Variants in FLAD1 observed in about 807,000 individuals in gnomAD.
FLAD1 encodes the protein flavin adenine dinucleotide synthetase 1, also known as bifunctional FAD diphosphatase/FAD synthase.
A neutral mutation model predicts 55.0 loss-of-function variants in FLAD1; 35 were observed. The observed-to-expected ratio is 0.64, with a 90% CI of 0.49 to 0.84. FLAD1 has a LOEUF of 0.84. Among genes scored for constraint, FLAD1 ranks in the 40% least tolerant of loss-of-function variants. The pLI is 0.00. For synonymous variants in FLAD1, 267 were observed against 303.0 expected (o/e 0.88, Z 1.23); for missense variants, 665 against 742.6 (o/e 0.90, Z 1.21).
chr1:154,986,704 C>CCTCTT (rs1657626991), intron 1 of FLAD1, among the ~76,000 whole-genome samples: 2 of 91,696 alleles, frequency 2.2e-5, no homozygotes, highest in African/African-American at 9.9e-5. Flanking sequence ...GCCCCCCACC[C>CCTCTT]TTTTTTTTTT....
chr1:154,988,267 A>G lies in FLAD1; in HGVS notation c.535A>G (p.Ile179Val), dbSNP rs753608799. Residue 179 changes from isoleucine (I) to valine (V), a missense_variant, in exon 2 of 7, where the codon ATC (isoleucine) becomes GTC (valine). By Grantham distance (29) the Ile-to-Val change is conservative. Transcript: ENST00000292180. ...RFTHVLTAGG[I>V]GPTHDDVTFE... ...CACCCATGTCCTCACAGCAGGGGGC[A>G]TCGGCCCCACTCATGATGATGTGAC... The G allele has an allele frequency of 2.5e-6, 4 of 1,614,234 alleles. No homozygotes were observed. Among genetic ancestry groups the G allele is most frequent in the Non-Finnish European group, 3.4e-6 (4 of 1,180,040 alleles).
rs770329270 is a variant in FLAD1 at position 154,988,125 on chromosome 1, C to T, written c.393C>T (p.Asn131=). Residue 131 remains asparagine, a synonymous_variant, in exon 2 of 7, where the codon AAC becomes AAT. Transcript: ENST00000292180. Reference sequence around the variant, plus strand: ...CCCAGGGACACACTCAGGACACCAACACCTTCTTTCTGTGCCGGACACTGC... The same window carrying T: ...CCCAGGGACACACTCAGGACACCAATACCTTCTTTCTGTGCCGGACACTGC... The part of the protein sequence containing the change: ...EILKGHTQDT[N]TFFLCRTLRS... 21 of 1,614,128 alleles carry T rather than the reference C, an allele frequency of 1.3e-5. No individual in the cohort carries two copies. Among genetic ancestry groups the T allele is most frequent in the South Asian group, 4.4e-5 (4 of 91,090 alleles).
chr1:154,992,969 G>A lies in FLAD1; in HGVS notation c.1696G>A (p.Gly566Arg). ...GGCCCTGAAGTGCCTGAGCCCAGGAGGACACCCCACATACCGTCCAGCCTA... is the reference window on the plus strand; with the variant it reads ...GGCCCTGAAGTGCCTGAGCCCAGGAAGACACCCCACATACCGTCCAGCCTA... ...NPALKCLSPG[G>R]HPTYRPAYLL... is the part of the protein sequence containing the mutation. Residue 566 changes from glycine to arginine, a missense_variant, in exon 7 of 7, where the codon GGA (glycine) becomes AGA (arginine). Gly to Arg is a moderately radical substitution (Grantham distance 125, BLOSUM62 -2). Coordinates refer to ENST00000292180, the MANE Select transcript of FLAD1 (RefSeq NM_025207.5). The A allele has an allele frequency of 6.2e-7, 1 of 1,614,030 alleles. No individual in the cohort carries two copies.
intron 5 of FLAD1, among the ~76,000 whole-genome samples, chr1:154,991,470 A>G (rs28851228): frequency 0.1 from 14,878 of 144,862 alleles, 1,601 homozygotes; most frequent in African/African-American, 0.28. Context: ...TAGGAGAATC[A>G]CTTGAACCCA....
chr1:154,987,802 G>A (rs1223840956), intron 1 of FLAD1: 3 of 592,272 alleles, frequency 5.1e-6, no homozygotes, highest in Non-Finnish European at 8.4e-6. Flanking sequence ...GCTGAATGTG[G>A]TGGCACGCGC....
Position 154,983,583 on chromosome 1 carries a change from A to G in FLAD1, c.-112A>G. Reference sequence around the variant, plus strand: ...TTAAAGGGGTACGGATGCCCAAGGTAGAGCAGACACTTGAGGAGACCAGCT... The same window carrying G: ...TTAAAGGGGTACGGATGCCCAAGGTGGAGCAGACACTTGAGGAGACCAGCT... On this transcript the variant is annotated 5_prime_UTR_variant, in exon 1 of 7. Coordinates refer to ENST00000292180, the MANE Select transcript of FLAD1 (RefSeq NM_025207.5). 8.7e-7 allele frequency: 1 copy of G among 1,155,396 alleles called. No homozygotes were observed. Among genetic ancestry groups the G allele is most frequent in the Non-Finnish European group, 1.2e-6 (1 of 817,284 alleles). 71.6% of individuals were successfully genotyped at this position (1,155,396 alleles called of 1,614,324 possible).
chr1:154,988,119 C>T lies in FLAD1; in HGVS notation c.387C>T (p.Asp129=), dbSNP rs867813327. Residue 129 remains aspartate, a synonymous_variant, in exon 2 of 7, where the codon GAC becomes GAT. Transcript: ENST00000292180. ...GDEILKGHTQ[D]TNTFFLCRTL... ...TCAACCCCCAGGGACACACTCAGGA[C>T]ACCAACACCTTCTTTCTGTGCCGGA... 1.9e-6 allele frequency: 3 copies of T among 1,614,222 alleles called. No individual in the cohort carries two copies. The highest frequency in any genetic ancestry group is 1.6e-4 in the Middle Eastern group (1 of 6,062).
chr1:154,990,700 G>T, intron 5 of FLAD1, 172 bp downstream of exon 5: 1 of 605,680 alleles, frequency 1.7e-6, no homozygotes, highest in South Asian at 2.8e-5. Flanking sequence ...AATATTTATT[G>T]AGCCCAAATT....
rs1274959567 is a variant in FLAD1, at chr1:154,986,703, C to G, written c.373-1402C>G. Among the ~76,000 whole-genome samples, 4 of 109,740 alleles carry G rather than the reference C, an allele frequency of 3.6e-5. No individual in the cohort carries two copies. The East Asian group carries it at 9.3e-4, about 25-fold the overall frequency. The allele number at this position is 109,740 out of a possible 152,430, so 72.0% of individuals were successfully genotyped here. A position where few individuals can be genotyped will look rare whatever the true frequency, so the allele number is the denominator to read the frequency against. On this transcript the variant is annotated intron_variant, in intron 1 of 6. Transcript: ENST00000292180. Reference sequence around the variant, plus strand: ...TGAGCAACCTTGCCCAGCCCCCCACCCTTTTTTTTTTTTTTTTTTTTTTGA... The same window carrying G: ...TGAGCAACCTTGCCCAGCCCCCCACGCTTTTTTTTTTTTTTTTTTTTTTGA...
Position 154,988,444 on chromosome 1 carries a change from G to A in FLAD1, c.712G>A (p.Gly238Ser), listed in dbSNP as rs770176496. Residue 238 changes from glycine (G) to serine (S), a missense_variant, in exon 2 of 7, where the codon GGT becomes AGT. Physicochemically the swap from Gly to Ser is moderately conservative, Grantham distance 56 (BLOSUM62 0). Transcript: ENST00000292180. The part of the protein sequence containing the change: ...RLHYGTDPCT[G>S]QPFRFPLVSV... ...GCATTATGGCACAGATCCTTGCACT[G>A]GTCAACCTTTCAGATTCCCTCTGGT... 4 of 1,614,232 alleles carry A rather than the reference G, an allele frequency of 2.5e-6. No homozygotes were observed. Among genetic ancestry groups the A allele is most frequent in the East Asian group, 4.5e-5 (2 of 44,890 alleles).
chr1:154,988,581 G>C lies in FLAD1; in HGVS notation c.849G>C (p.Glu283Asp). The C allele has an allele frequency of 6.2e-7, 1 of 1,614,234 alleles. No homozygotes were observed. The highest frequency in any genetic ancestry group is 8.5e-7 in the Non-Finnish European group (1 of 1,180,046). The change falls in exon 2 of 7, where the codon GAG becomes GAC. Residue 283 changes from glutamate (E) to aspartate (D), a missense_variant. Glu to Asp is a conservative substitution (Grantham distance 45, BLOSUM62 2). Coordinates refer to ENST00000292180, the MANE Select transcript of FLAD1 (RefSeq NM_025207.5). ...CAGCTGTTCAGTTCCACTCAAAGGA[G>C]CTATATGTGGCTGCTGATGAAGCCT... Reference protein sequence around the residue: ...QNPAVQFHSKELYVAADEASI... With the variant: ...QNPAVQFHSKDLYVAADEASI...
chr1:154,984,192 G>C, intron 1 of FLAD1, 126 bp downstream of exon 1: 1 of 802,708 alleles, frequency 1.2e-6, no homozygotes, highest in Non-Finnish European at 1.7e-6. Context: ...GGATCCTGGA[G>C]TGAATCCAGC....
At chr1:154,987,043 TC>T (rs1313722748) in intron 1 of FLAD1, among the ~76,000 whole-genome samples, 1 of 147,676 alleles carries the variant, frequency 6.8e-6, no homozygotes, top group Admixed American at 6.6e-5. Context: ...TTTTTTTTTT[TC>T]CTTTGGTGAC....
At chr1:154,988,983 T>C (rs1657746718) in intron 2 of FLAD1, 134 bp downstream of exon 2, 2 of 1,494,750 alleles carry the variant, frequency 1.3e-6, no homozygotes, top group African/African-American at 2.8e-5. Context: ...TAATTCATTA[T>C]TCTTCCAATA....
chr1:154,990,121 C>T (rs766458812), intron 3 of FLAD1, 38 bp from the exon 4 acceptor site: 9 of 1,527,256 alleles, frequency 5.9e-6, no homozygotes, highest in Non-Finnish European at 7.3e-6. Flanking sequence ...ATTTCCTTGT[C>T]CATGCTCACA....
intron 5 of FLAD1, chr1:154,992,442 C>T: frequency 1.3e-6 from 1 of 780,452 alleles, no homozygotes; most frequent in Non-Finnish European, 1.9e-6. Flanking sequence ...GACTCCGTCT[C>T]AAAAAAAAAA....
At position 154,990,506 on chromosome 1, in the gene FLAD1, T is replaced by G; in HGVS notation, c.1532T>G (p.Phe511Cys). The G allele has an allele frequency of 6.2e-7, 1 of 1,608,218 alleles. No individual in the cohort carries two copies. The highest frequency in any genetic ancestry group is 1.3e-5 in the African/African-American group (1 of 74,796). ...CCCACTGACCCAGGCTGGCCCGCAT[T>G]CATGCGCATCAACCCACTGCTGGTA... ...FSPTDPGWPA[F>C]MRINPLLDWT... is the part of the protein sequence containing the mutation. The change falls in exon 5 of 7, where the codon TTC (phenylalanine) becomes TGC (cysteine). Residue 511 changes from phenylalanine to cysteine, a missense_variant. By Grantham distance (205) the Phe-to-Cys change is radical. Transcript: ENST00000292180.
In FLAD1 at chr1:154,990,179, AC is replaced by A; in HGVS notation, c.1291del (p.Leu431SerfsTer37). On this transcript the variant is annotated frameshift_variant, in exon 4 of 7. Transcript: ENST00000292180. LOFTEE classifies it high-confidence loss of function. Reference sequence around the variant, plus strand: ...TGCAGGAAATTACCTGATGTTCCAAACCCCCTCCAGATCCTGTATATCCGCA... The same window carrying A: ...TGCAGGAAATTACCTGATGTTCCAAACCCCTCCAGATCCTGTATATCCGCA... ...AVQRKLPDVPNPLQILYIRSI... is the reference protein window; with the variant it reads ...AVQRKLPDVPXPLQILYIRSI... The A allele has an allele frequency of 6.2e-7, 1 of 1,613,680 alleles. No individual in the cohort carries two copies.
At position 154,990,456 on chromosome 1, in the gene FLAD1, C is replaced by T. The variant is rs1657811353; in HGVS notation, c.1482C>T (p.Tyr494=). 6.2e-7 allele frequency: 1 copy of T among 1,614,026 alleles called. No individual in the cohort carries two copies. Among genetic ancestry groups the T allele is most frequent in the South Asian group, 1.1e-5 (1 of 91,092 alleles). ...VLMGTRRTDP[Y]SCSLCPFSPT... Reference sequence around the variant, plus strand: ...TGGGCACCCGCCGGACTGACCCCTACTCCTGTAGCCTCTGCCCTTTCAGCC... The same window carrying T: ...TGGGCACCCGCCGGACTGACCCCTATTCCTGTAGCCTCTGCCCTTTCAGCC... The change falls in exon 5 of 7, where the codon TAC becomes TAT. Residue 494 remains tyrosine (Y), a synonymous_variant. Coordinates refer to ENST00000292180, the MANE Select transcript of FLAD1 (RefSeq NM_025207.5).
Sources: allele counts gnomAD v4.1 joint callset (sites outside exome capture counted in the v4.1 genomes callset), GRCh38; gene constraint gnomAD v4.1.1; transcripts MANE v1.5; gene names NCBI Gene and HGNC (gene_info 2026-07-23, HGNC 2026-07-21).